Variants in CSMD1 observed in about 807,000 individuals in gnomAD.
The protein encoded by CSMD1 is CUB and sushi domain-containing protein 1.
Under a neutral mutation model 417.5 loss-of-function variants are expected in CSMD1, and 213 were observed. The observed-to-expected ratio is 0.51, with a 90% confidence interval of 0.46 to 0.57. The LOEUF is 0.57. Among genes scored for constraint, CSMD1 ranks in the 20% least tolerant of loss-of-function variants. The pLI, the probability that CSMD1 is intolerant of heterozygous loss-of-function variation, is 0.00. For missense variants in CSMD1, 6,923 were observed against 4,529.7 expected (o/e 1.53, Z -15.17); for synonymous variants, 2,862 against 1,736.8 (o/e 1.65, Z -16.11).
chr8:4,279,347 G>C (rs530524471), intron 3 of CSMD1, among the ~76,000 whole-genome samples: 36 of 152,260 alleles, frequency 2.4e-4, no homozygotes, highest in African/African-American at 8.2e-4. Context: ...GACAGATACA[G>C]GTGGCAAACG....
Position 3,386,046 on chromosome 8 carries a change from T to C in CSMD1, c.2782+1448A>G, listed in dbSNP as rs530423193. On this transcript the variant is annotated intron_variant, in intron 18 of 69. Transcript: ENST00000635120. Reference sequence around the variant, plus strand: ...CTGCAATAGTAATTCTTAGCTCATTTAAGATTGGTAAGTGGCAAAATGATA... The same window carrying C: ...CTGCAATAGTAATTCTTAGCTCATTCAAGATTGGTAAGTGGCAAAATGATA... Among the ~76,000 whole-genome samples, 3 of 152,352 alleles carry C rather than the reference T, an allele frequency of 2.0e-5. No individual in the cohort carries two copies. In the South Asian group the frequency reaches 6.2e-4, roughly 32 times the overall value.
intron 1 of CSMD1, among the ~76,000 whole-genome samples, chr8:4,743,717 A>G (rs1810771746): frequency 6.6e-6 from 1 of 152,188 alleles, no homozygotes; most frequent in African/African-American, 2.4e-5. Context: ...TGGATGTATA[A>G]AGGAGATTTT....
intron 8 of CSMD1, among the ~76,000 whole-genome samples, chr8:3,599,163 C>CTGTG (rs965499661): frequency 1.6e-5 from 2 of 126,722 alleles, no homozygotes; most frequent in East Asian, 5.2e-4. Context: ...GTGTGTGTGT[C>CTGTG]TGTGTGTGTG....
intron 10 of CSMD1, among the ~76,000 whole-genome samples, chr8:3,548,850 G>A (rs1563143099): frequency 6.6e-6 from 1 of 151,982 alleles, no homozygotes; most frequent in South Asian, 2.1e-4. Context: ...GGCAGGCAGG[G>A]TGCTCCCTGG....
At chr8:4,940,326 A>T (rs1807911358) in intron 1 of CSMD1, among the ~76,000 whole-genome samples, 1 of 152,232 alleles carries the variant, frequency 6.6e-6, no homozygotes, top group African/African-American at 2.4e-5. Context: ...TTATTTTCTG[A>T]CGTGCCCATG....
chr8:3,346,334 C>G (rs935507292), intron 22 of CSMD1, among the ~76,000 whole-genome samples: 3 of 152,144 alleles, frequency 2.0e-5, no homozygotes, highest in Admixed American at 6.5e-5. Context: ...TAATCATTCA[C>G]CTGCACTAAA....
At chr8:4,097,513 T>C (rs186773322) in intron 3 of CSMD1, among the ~76,000 whole-genome samples, 36 of 152,332 alleles carry the variant, frequency 2.4e-4, no homozygotes, top group Non-Finnish European at 4.1e-4. Flanking sequence ...AATGTCTTGT[T>C]GCCCCTGGTG....
chr8:3,836,653 G>C (rs1051675274), intron 5 of CSMD1, among the ~76,000 whole-genome samples: 2 of 152,100 alleles, frequency 1.3e-5, no homozygotes, highest in South Asian at 2.1e-4. Context: ...TTCACAACAT[G>C]AGACACGTGA....
At chr8:4,191,277 T>C (rs1799013871) in intron 3 of CSMD1, among the ~76,000 whole-genome samples, 1 of 151,996 alleles carries the variant, frequency 6.6e-6, no homozygotes, top group African/African-American at 2.4e-5. Flanking sequence ...GCACCTGTAG[T>C]CCCAGCTACT....
chr8:4,905,598 T>C (rs907852205), intron 1 of CSMD1, among the ~76,000 whole-genome samples: 4 of 151,816 alleles, frequency 2.6e-5, no homozygotes, highest in African/African-American at 9.7e-5. Context: ...GGTGGGCCCA[T>C]CACGAGGTCA....
chr8:3,308,482 T>C lies in CSMD1; in HGVS notation c.3653A>G (p.Glu1218Gly). Reference sequence around the variant, plus strand: ...GCCGTAGTTAGGGATGCCCGGATCCTCACATTTTACCAGATCAAAACCTGC... The same window carrying C: ...GCCGTAGTTAGGGATGCCCGGATCCCCACATTTTACCAGATCAAAACCTGC... ...TYTSFDLVKC[E>G]DPGIPNYGYR... Residue 1218 changes from glutamate (E) to glycine (G), a missense_variant, in exon 24 of 70, where the codon GAG (glutamate) becomes GGG (glycine). Transcript: ENST00000635120. 6.2e-7 allele frequency: 1 copy of C among 1,612,716 alleles called. No individual in the cohort carries two copies. Among genetic ancestry groups the C allele is most frequent in the East Asian group, 2.2e-5 (1 of 44,756 alleles).
chr8:4,288,263 C>A (rs1306737352), intron 3 of CSMD1, among the ~76,000 whole-genome samples: 1 of 152,060 alleles, frequency 6.6e-6, no homozygotes, highest in Non-Finnish European at 1.5e-5. Context: ...TCTGACATGC[C>A]CCCACTGGGA....
chr8:3,477,661 G>A (rs189351250), intron 11 of CSMD1, among the ~76,000 whole-genome samples: 4 of 152,324 alleles, frequency 2.6e-5, no homozygotes, highest in African/African-American at 4.8e-5. Context: ...GGCAGAGGAA[G>A]AAGTCAACTC....
intron 37 of CSMD1, among the ~76,000 whole-genome samples, chr8:3,180,854 G>C (rs2129047431): frequency 6.6e-6 from 1 of 151,996 alleles, no homozygotes; most frequent in African/African-American, 2.4e-5. Flanking sequence ...GTGTTGGACA[G>C]CCTGGTCTTG....
chr8:3,870,415 A>C (rs570857667), intron 5 of CSMD1, among the ~76,000 whole-genome samples: 19 of 152,272 alleles, frequency 1.2e-4, no homozygotes, highest in Middle Eastern at 3.4e-3. Context: ...GCACTCCATG[A>C]AACATTTATA....
chr8:3,967,675 G>A (rs113762563), intron 5 of CSMD1, among the ~76,000 whole-genome samples: 16 of 152,092 alleles, frequency 1.1e-4, no homozygotes, highest in African/African-American at 2.2e-4. Context: ...TTGTCAATAC[G>A]TGCTGGGGTG....
intron 1 of CSMD1, among the ~76,000 whole-genome samples, chr8:4,742,662 C>A (rs1159808614): frequency 6.6e-6 from 1 of 152,058 alleles, no homozygotes; most frequent in Non-Finnish European, 1.5e-5. Context: ...GTAGTGTTAA[C>A]ATGGAGCATT....
chr8:4,330,251 T>G (rs927794752), intron 3 of CSMD1, among the ~76,000 whole-genome samples: 1 of 122,126 alleles, frequency 8.2e-6, no homozygotes, highest in African/African-American at 2.6e-5. Flanking sequence ...TCAGATCCAG[T>G]AGGACTCTGT....
chr8:4,976,975 C>T (rs1295961616), intron 1 of CSMD1, among the ~76,000 whole-genome samples: 1 of 152,156 alleles, frequency 6.6e-6, no homozygotes, highest in Non-Finnish European at 1.5e-5. Flanking sequence ...TCTTTCTCTC[C>T]TAATAGAGCA....
Sources: gnomAD v4.1 joint callset for allele counts (sites outside exome capture counted in the v4.1 genomes callset) on GRCh38, gnomAD v4.1.1 for gene constraint, MANE v1.5 for transcripts, NCBI Gene and HGNC (gene_info 2026-07-23, HGNC 2026-07-21) for gene names.